Variants in TOX observed in about 807,000 individuals in gnomAD.
TOX encodes the protein thymocyte selection associated high mobility group box.
Under a neutral mutation model 53.7 loss-of-function variants are expected in TOX, and 11 were observed. The observed-to-expected ratio is 0.20, with a 90% CI of 0.13 to 0.34. TOX has a LOEUF of 0.34. Among genes scored for constraint, TOX ranks in the 10% least tolerant of loss-of-function variants. The pLI, the probability that TOX is intolerant of heterozygous loss-of-function variation, is 1.00. For synonymous variants in TOX, 225 were observed against 245.3 expected, an observed-to-expected ratio of 0.92 and a Z score of 0.77; for missense variants, 570 against 664.6, an observed-to-expected ratio of 0.86 and a Z score of 1.56.
At chr8:58,837,966 C>T (rs899812991) in intron 5 of TOX, 115 bp downstream of exon 5, 6 of 924,370 alleles carry the variant, frequency 6.5e-6, no homozygotes, top group African/African-American at 3.3e-5. Context: ...ATGGGGACAC[C>T]TTCTCAGCGT....
At chr8:58,925,042 C>T (rs568190857) in intron 3 of TOX, among the ~76,000 whole-genome samples, 13 of 152,294 alleles carry the variant, frequency 8.5e-5, no homozygotes, top group East Asian at 3.9e-4. Context: ...AGATGCACCT[C>T]GTGCACAGCC....
Position 58,851,158 on chromosome 8 carries a change from GTCTCTC to G in TOX, c.693+360_693+365del, listed in dbSNP as rs560478337. 1.5e-3 allele frequency among the ~76,000 whole-genome samples: 172 copies of G among 118,298 alleles called. 3 individuals are homozygous for G. In the East Asian group the frequency reaches 0.028, roughly 19 times the overall value. The allele number at this position is 118,298 out of a possible 152,430, so 77.6% of individuals were successfully genotyped here. The stretch of plus-strand genomic sequence containing the variant: ...CACCATACATCTCCTCTCTCTCTCT[GTCTCTC>G]TCTCTCTCTCTCTCTCTCTCTCACA... On this transcript the variant is annotated intron_variant, in intron 4 of 8. Coordinates refer to ENST00000361421, the MANE Select transcript of TOX (RefSeq NM_014729.3). The surrounding 1 kb of genome is among the most constrained non-coding windows in gnomAD (Gnocchi z 4.4).
At chr8:59,077,968 G>A (rs975280743) in intron 1 of TOX, among the ~76,000 whole-genome samples, 17 of 152,084 alleles carry the variant, frequency 1.1e-4, no homozygotes, top group Non-Finnish European at 2.1e-4. Flanking sequence ...GAATACGTGC[G>A]CTGTTCACAG....
chr8:58,883,426 C>T (rs1287358116), intron 3 of TOX, among the ~76,000 whole-genome samples: 2 of 152,186 alleles, frequency 1.3e-5, no homozygotes, highest in African/African-American at 2.4e-5. Flanking sequence ...TTCAAATCAA[C>T]TGATTTCACT....
chr8:59,090,929 G>GCAGTC (rs1171894800), intron 1 of TOX, among the ~76,000 whole-genome samples: 1 of 152,062 alleles, frequency 6.6e-6, no homozygotes, highest in Non-Finnish European at 1.5e-5. Context: ...TCTATCAAAG[G>GCAGTC]CAGTCCCACC....
intron 1 of TOX, among the ~76,000 whole-genome samples, chr8:59,105,611 A>G (rs1469521149): frequency 1.3e-5 from 2 of 152,160 alleles, no homozygotes; most frequent in Non-Finnish European, 2.9e-5. Context: ...TTGAGATAAT[A>G]TATTAGAGCC....
intron 1 of TOX, among the ~76,000 whole-genome samples, chr8:59,051,987 T>C (rs894289423): frequency 6.6e-6 from 1 of 152,222 alleles, no homozygotes; most frequent in Non-Finnish European, 1.5e-5. Context: ...CTTTGTCTTT[T>C]CTTTTGGAAT....
chr8:59,003,955 C>T (rs1288947886), intron 1 of TOX, among the ~76,000 whole-genome samples: 2 of 152,294 alleles, frequency 1.3e-5, no homozygotes, highest in East Asian at 1.9e-4. Context: ...AGTTTAACTG[C>T]AGCATTATAA....
At chr8:59,012,929 A>C (rs893339803) in intron 1 of TOX, among the ~76,000 whole-genome samples, 14 of 152,264 alleles carry the variant, frequency 9.2e-5, no homozygotes, top group Non-Finnish European at 1.8e-4. Flanking sequence ...GTTAAAAAAA[A>C]AAAAAAAAGC....
At chr8:59,050,445 G>A (rs767567995) in intron 1 of TOX, among the ~76,000 whole-genome samples, 3 of 151,846 alleles carry the variant, frequency 2.0e-5, no homozygotes, top group Non-Finnish European at 2.9e-5. Flanking sequence ...TACTCAACAC[G>A]TTTTATTTCT....
intron 6 of TOX, among the ~76,000 whole-genome samples, chr8:58,824,164 T>C (rs773560697): frequency 1.3e-5 from 2 of 152,194 alleles, no homozygotes; most frequent in Non-Finnish European, 2.9e-5. Context: ...CTGAGGGCAG[T>C]GCAGGTCAAT....
chr8:58,823,963 G>C (rs771895542), intron 6 of TOX, among the ~76,000 whole-genome samples: 4 of 152,210 alleles, frequency 2.6e-5, no homozygotes, highest in Non-Finnish European at 5.9e-5. Flanking sequence ...AGTCAAAGTA[G>C]CTAGGAAGAA....
intron 1 of TOX, among the ~76,000 whole-genome samples, chr8:59,062,513 G>A (rs1383206384): frequency 1.3e-5 from 2 of 152,106 alleles, no homozygotes; most frequent in Non-Finnish European, 2.9e-5. Context: ...GTAGGGAGGA[G>A]GTAGTTTCTA....
At chr8:58,939,253 C>T (rs962224151) in intron 3 of TOX, 49 bp downstream of exon 3, 1 of 1,604,574 alleles carries the variant, frequency 6.2e-7, no homozygotes, top group African/African-American at 1.3e-5. Context: ...GGTCCTTGTC[C>T]TTATGGTATC....
At chr8:59,092,271 A>ATACATTATATATATATATTATATATACAT (rs1804624892) in intron 1 of TOX, among the ~76,000 whole-genome samples, 6 of 125,104 alleles carry the variant, frequency 4.8e-5, no homozygotes, top group African/African-American at 2.2e-4. Context: ...TATTTTATAT[A>ATACATTATATATATATATTATATATACAT]TATATATATA....
At chr8:59,044,254 G>A (rs572432177) in intron 1 of TOX, among the ~76,000 whole-genome samples, 8 of 147,434 alleles carry the variant, frequency 5.4e-5, no homozygotes, top group African/African-American at 2.0e-4. Flanking sequence ...AAAGGTGGAC[G>A]ACAGCCACCA....
intron 1 of TOX, among the ~76,000 whole-genome samples, chr8:59,054,202 T>C (rs1422021801): frequency 6.6e-6 from 1 of 152,228 alleles, no homozygotes; most frequent in African/African-American, 2.4e-5. Flanking sequence ...CGTTATAATA[T>C]CAATAAATAA....
intron 1 of TOX, among the ~76,000 whole-genome samples, chr8:59,032,995 T>C (rs537586979): frequency 3.3e-5 from 5 of 150,270 alleles, no homozygotes; most frequent in South Asian, 2.1e-4. Context: ...GATTGTGCCA[T>C]TGCACTCCAT....
intron 4 of TOX, among the ~76,000 whole-genome samples, chr8:58,842,887 TC>T (rs1189521381): frequency 2.6e-5 from 4 of 152,256 alleles, no homozygotes; most frequent in Admixed American, 2.6e-4. Flanking sequence ...TCCTGGTTTG[TC>T]CTGGAGGGCT....
Sources: gnomAD v4.1 joint callset for allele counts (sites outside exome capture counted in the v4.1 genomes callset) on GRCh38, gnomAD v4.1.1 for gene constraint, Gnocchi (gnomAD v3.1) non-coding constraint, MANE v1.5 for transcripts, NCBI Gene and HGNC (gene_info 2026-07-23, HGNC 2026-07-21) for gene names.